The following LIPE variants were observed in gnomAD, a reference collection of about 807,000 sequenced individuals.
LIPE encodes the protein lipase E, hormone sensitive type, also known as hormone-sensitive lipase.
Under a neutral mutation model 88.5 loss-of-function variants are expected in LIPE, and 66 were observed. The ratio of observed to expected loss-of-function variants is 0.75; its 90% CI spans 0.61 to 0.91. The LOEUF is 0.91. Among genes scored for constraint, LIPE ranks in the 40% least tolerant of loss-of-function variants. The probability of loss-of-function intolerance (pLI) is 0.00; values close to 1 mark genes in which losing one functional copy is unlikely to be tolerated. For synonymous variants in LIPE, 570 were observed against 617.5 expected (o/e 0.92, Z 1.14); for missense variants, 1,346 against 1,434.7 (o/e 0.94, Z 1.00).
chr19:42,404,191 A>G (rs111887896), intron 8 of LIPE, among the ~76,000 whole-genome samples: 2 of 147,554 alleles, frequency 1.4e-5, no homozygotes, highest in Non-Finnish European at 3.0e-5. Context: ...CAGCCTCCTG[A>G]GTAGCTGGGA....
Position 42,426,466 on chromosome 19 carries a change from C to A in LIPE, c.684G>T (p.Trp228Cys). ...CTGATTCTGACTCAGAATCTGTGAC[C>A]CACTCAGAAAGTGCCTTCCACTCTA... The part of the protein sequence containing the change: ...SALEWKALSE[W>C]VTDSESESDV... The change falls in exon 1 of 10, where the codon TGG becomes TGT. Residue 228 changes from tryptophan to cysteine, a missense_variant. Physicochemically the swap from Trp to Cys is radical, Grantham distance 215. Coordinates refer to ENST00000244289, the MANE Select transcript of LIPE (RefSeq NM_005357.4). The A allele has an allele frequency of 6.2e-7, 1 of 1,613,988 alleles. No homozygotes were observed. Among genetic ancestry groups the A allele is most frequent in the Non-Finnish European group, 8.5e-7 (1 of 1,179,942 alleles).
intron 7 of LIPE, chr19:42,405,928 C>CA: frequency 1.7e-6 from 1 of 577,410 alleles, no homozygotes; most frequent in Non-Finnish European, 3.1e-6. Flanking sequence ...CCACTGCACT[C>CA]AGCCTGAGCG....
Position 42,401,859 on chromosome 19 carries a change from C to A in LIPE, c.3184G>T (p.Glu1062Ter). ...TPPAGAGPSG[E>*]TGAAGVDGGC... is the part of the protein sequence containing the mutation. ...CCGTCTACCCCCGCAGCCCCCGTCTCCCCGCTCGGCCCGGCTCCGGCGGGA... is the reference window on the plus strand; with the variant it reads ...CCGTCTACCCCCGCAGCCCCCGTCTACCCGCTCGGCCCGGCTCCGGCGGGA... Residue 1062 changes from glutamate (E) to a stop codon, truncating the protein, a stop_gained, in exon 10 of 10, where the codon GAG becomes TAG. Transcript: ENST00000244289. LOFTEE classifies it low-confidence loss of function (END_TRUNC). 6.6e-7 allele frequency: 1 copy of A among 1,512,220 alleles called. No individual in the cohort carries two copies. 93.7% of individuals were successfully genotyped at this position (1,512,220 alleles called of 1,614,324 possible).
chr19:42,412,533 A>G (rs973912134), intron 1 of LIPE: 1 of 985,720 alleles, frequency 1.0e-6, no homozygotes, highest in African/African-American at 1.7e-5. Flanking sequence ...TGCTGTAAAC[A>G]GAGTAGAGGG....
Position 42,407,656 on chromosome 19 carries a change from G to C in LIPE, c.1792C>G (p.Pro598Ala). 1 of 1,610,190 alleles carries C rather than the reference G, an allele frequency of 6.2e-7. No homozygotes were observed. The highest frequency in any genetic ancestry group is 2.2e-5 in the East Asian group (1 of 44,836). The change falls in exon 5 of 10, where the codon CCT becomes GCT. Residue 598 changes from proline (P) to alanine (A), a missense_variant. By Grantham distance (27) the Pro-to-Ala change is conservative. Transcript: ENST00000244289. The surrounding 1 kb of genome is among the most constrained non-coding windows in gnomAD (Gnocchi z 5.8). ...ATGAGCCTGACGAGGACGGGCCCAG[G>C]GCCTGTGTGGGCCAGTGGGGGTGAG... is the stretch of plus-strand genomic sequence containing the variant. ...TISPPLAHTGPGPVLVRLISY... is the reference protein window; with the variant it reads ...TISPPLAHTGAGPVLVRLISY...
In LIPE at chr19:42,410,708, C is replaced by G; in HGVS notation, c.1018G>C (p.Gly340Arg). ...TAQRLSGVFA[G>R]VREQALGLEP... is the part of the protein sequence containing the mutation. ...AGCCCCAGCGCCTGCTCCCGTACAC[C>G]GGCAAAAACGCCTGACAGCCGCTGG... Residue 340 changes from glycine (G) to arginine (R), a missense_variant, in exon 2 of 10, where the codon GGT becomes CGT. By Grantham distance (125) the Gly-to-Arg change is moderately radical. Transcript: ENST00000244289. This position sits in a 1 kb window ranked among gnomAD's most constrained non-coding sequence, Gnocchi z 6.1. 1.2e-6 allele frequency: 2 copies of G among 1,613,700 alleles called. No homozygotes were observed. Among genetic ancestry groups the G allele is most frequent in the Non-Finnish European group, 1.7e-6 (2 of 1,179,732 alleles).
chr19:42,425,299 C>A (rs1376044463), intron 1 of LIPE: 1 of 152,630 alleles, frequency 6.6e-6, no homozygotes, highest in Non-Finnish European at 1.5e-5. Context: ...GATGAATGAA[C>A]ACTGGCAAGA....
intron 8 of LIPE, among the ~76,000 whole-genome samples, chr19:42,404,811 T>C (rs575282593): frequency 1.3e-5 from 2 of 152,322 alleles, no homozygotes; most frequent in Admixed American, 1.3e-4. Context: ...GGGTGCCATA[T>C]ATTGTACTGG....
Position 42,407,731 on chromosome 19 carries a change from C to T in LIPE, c.1717G>A (p.Glu573Lys), listed in dbSNP as rs200004508. ...RVSRLLSLPPEAFEMPLTADP... is the reference protein window; with the variant it reads ...RVSRLLSLPPKAFEMPLTADP... ...GCAGTCAGTGGCATCTCAAAGGCTT[C>T]GGGTGGCAGGCTGAGCAGGCGGCTT... Residue 573 changes from glutamate (E) to lysine (K), a missense_variant, in exon 5 of 10, where the codon GAA becomes AAA. Transcript: ENST00000244289. This position sits in a 1 kb window ranked among gnomAD's most constrained non-coding sequence, Gnocchi z 5.8. The T allele has an allele frequency of 1.2e-5, 19 of 1,569,460 alleles. No homozygotes were observed. The East Asian group carries it at 2.2e-4, about 19-fold the overall frequency.
chr19:42,419,712 G>GGGGGAT (rs1369105764), intron 1 of LIPE, among the ~76,000 whole-genome samples: 1 of 151,948 alleles, frequency 6.6e-6, no homozygotes, highest in Non-Finnish European at 1.5e-5. Context: ...GGGGGTGGAT[G>GGGGGAT]GGGGATGGAG....
intron 8 of LIPE, among the ~76,000 whole-genome samples, chr19:42,404,087 T>C (rs1353342520): frequency 6.7e-6 from 1 of 149,658 alleles, no homozygotes; most frequent in Non-Finnish European, 1.5e-5. Context: ...TTTTTTGAGA[T>C]GGAGTCTTGC....
intron 1 of LIPE, among the ~76,000 whole-genome samples, chr19:42,411,746 G>A (rs1391371540): frequency 6.6e-6 from 1 of 152,146 alleles, no homozygotes; most frequent in Non-Finnish European, 1.5e-5. Context: ...CTTGTCCACT[G>A]GTCCTGGGTT....
chr19:42,412,425 G>A, intron 1 of LIPE: 3 of 985,848 alleles, frequency 3.0e-6, no homozygotes, highest in Non-Finnish European at 3.6e-6. Flanking sequence ...GCTTGTGCCA[G>A]TAGCAGCCTG....
chr19:42,402,916 C>T lies in LIPE; in HGVS notation c.2658G>A (p.Glu886=). The T allele has an allele frequency of 6.2e-7, 1 of 1,612,182 alleles. No individual in the cohort carries two copies. The highest frequency in any genetic ancestry group is 8.5e-7 in the Non-Finnish European group (1 of 1,179,982). The change falls in exon 9 of 10, where the codon GAG becomes GAA. Residue 886 remains glutamate (E), a synonymous_variant. Coordinates refer to ENST00000244289, the MANE Select transcript of LIPE (RefSeq NM_005357.4). The stretch of plus-strand genomic sequence containing the variant: ...ACATCTCGGGGGTGTCCGACGACGT[C>T]TCGGAGTTTCCCCTCAGGCTCAAGT... ...LRDLSLRGNS[E]TSSDTPEMSL...
Position 42,408,678 on chromosome 19 carries a change from CA to C in LIPE, c.1420-357del, listed in dbSNP as rs2040273648. Among the ~76,000 whole-genome samples the C allele has an allele frequency of 6.6e-6, 1 of 151,218 alleles. No homozygotes were observed. The highest frequency in any genetic ancestry group is 2.4e-5 in the African/African-American group (1 of 41,108). On this transcript the variant is annotated intron_variant, in intron 2 of 9. Transcript: ENST00000244289. This position sits in a 1 kb window ranked among gnomAD's most constrained non-coding sequence, Gnocchi z 4.3. ...AAGCGAGGGGAGGGTGTTCCCTGCA[CA>C]GGGAACAGAGAGCATGAAGGCTTAA...
Position 42,426,620 on chromosome 19 carries a change from G to C in LIPE, c.530C>G (p.Ser177Cys). 6.2e-7 allele frequency: 1 copy of C among 1,614,202 alleles called. No homozygotes were observed. Among genetic ancestry groups the C allele is most frequent in the Non-Finnish European group, 8.5e-7 (1 of 1,180,050 alleles). The part of the protein sequence containing the change: ...REPSAPTEST[S>C]QETPEQSDKQ... ...GTCTGACTGTTCAGGTGTCTCTTGG[G>C]ACGTAGATTCAGTCGGGGCAGATGG... is the stretch of plus-strand genomic sequence containing the variant. Residue 177 changes from serine to cysteine, a missense_variant, in exon 1 of 10, where the codon TCC becomes TGC. Ser to Cys is a moderately radical substitution (Grantham distance 112). Transcript: ENST00000244289.
At position 42,401,788 on chromosome 19, in the gene LIPE, G is replaced by A. The variant is rs1339468539; in HGVS notation, c.*24C>T. The A allele has an allele frequency of 2.2e-6, 3 of 1,365,126 alleles. No homozygotes were observed. The highest frequency in any genetic ancestry group is 3.3e-5 in the East Asian group (1 of 30,742). 84.6% of individuals were successfully genotyped at this position (1,365,126 alleles called of 1,614,324 possible). Reference sequence around the variant, plus strand: ...CCGGAAGGCATTCATGACGGAGGCCGGCGCAGATGGGAACAACAGGCTTTT... The same window carrying A: ...CCGGAAGGCATTCATGACGGAGGCCAGCGCAGATGGGAACAACAGGCTTTT... On this transcript the variant is annotated 3_prime_UTR_variant, in exon 10 of 10. Coordinates refer to ENST00000244289, the MANE Select transcript of LIPE (RefSeq NM_005357.4).
chr19:42,415,119 C>A (rs1051501337), intron 1 of LIPE, among the ~76,000 whole-genome samples: 4 of 152,098 alleles, frequency 2.6e-5, no homozygotes, highest in African/African-American at 9.7e-5. Context: ...GTAATCCCAG[C>A]TACTCGGGAG....
intron 1 of LIPE, chr19:42,412,295 T>C (rs762631826): frequency 5.5e-4 from 541 of 985,472 alleles, no homozygotes; most frequent in Non-Finnish European, 6.4e-4. Context: ...GAAGAAGGTA[T>C]TTCCTTTCCC....
Sources: allele counts gnomAD v4.1 joint callset (sites outside exome capture counted in the v4.1 genomes callset), GRCh38; gene constraint gnomAD v4.1.1; non-coding constraint Gnocchi (gnomAD v3.1); transcripts MANE v1.5; gene names NCBI Gene and HGNC (gene_info 2026-07-23, HGNC 2026-07-21).